Variants in ANO5 observed in about 807,000 individuals in gnomAD.
ANO5 encodes anoctamin-5.
In ANO5, 109 loss-of-function variants were observed where a neutral mutation model predicts 121.0. That is an observed-to-expected ratio of 0.90 (90% confidence interval 0.77 to 1.06). ANO5 has a LOEUF of 1.06. Among genes scored for constraint, ANO5 ranks in the 50% least tolerant of loss-of-function variants. ANO5 has a pLI of 0.00. For synonymous variants in ANO5, 406 were observed against 359.9 expected (o/e 1.13, Z -1.45); for missense variants, 1,064 against 1,078.5 (o/e 0.99, Z 0.19).
rs1247257266 is a variant in ANO5 at position 22,283,231 on chromosome 11, T to C, written c.*3466T>C. 1.3e-5 allele frequency: 2 copies of C among 150,954 alleles called. No individual in the cohort carries two copies. Among genetic ancestry groups the C allele is most frequent in the Non-Finnish European group, 1.5e-5 (1 of 67,142 alleles). 9.4% of individuals were successfully genotyped at this position (150,954 alleles called of 1,614,324 possible). A position where few individuals can be genotyped will look rare whatever the true frequency, so the allele number is the denominator to read the frequency against. ...AGTGCTCCTTTTTAAAATTTCTTTC[T>C]TCCAAGTTTTTTTTTCCAGGAAGAG... On this transcript the variant is annotated 3_prime_UTR_variant, in exon 22 of 22. Coordinates refer to ENST00000324559, the MANE Select transcript of ANO5 (RefSeq NM_213599.3).
intron 9 of ANO5, among the ~76,000 whole-genome samples, chr11:22,240,960 A>C (rs1792156651): frequency 6.6e-6 from 1 of 151,964 alleles, no homozygotes; most frequent in African/African-American, 2.4e-5. Flanking sequence ...CCTTATTATA[A>C]ATTTTTCATA....
At chr11:22,210,876 C>A (rs1357326892) in intron 2 of ANO5, among the ~76,000 whole-genome samples, 2 of 151,916 alleles carry the variant, frequency 1.3e-5, no homozygotes, top group Non-Finnish European at 2.9e-5. Flanking sequence ...TGGTCCTCTT[C>A]AGGATGCAGC....
At position 22,246,856 on chromosome 11, in the gene ANO5, CAAAA is replaced by C. The variant is rs10565920; in HGVS notation, c.879-3361_879-3358del. ...AGCACAACAGAGTGAGACCCTGTTTCAAAAAAAAAAAAAAAAAAAAAAAGCAAAA... is the reference window on the plus strand; with the variant it reads ...AGCACAACAGAGTGAGACCCTGTTTCAAAAAAAAAAAAAAAAAAAGCAAAA... On this transcript the variant is annotated intron_variant, in intron 9 of 21. Transcript: ENST00000324559. 0.026 allele frequency among the ~76,000 whole-genome samples: 1,624 copies of C among 62,210 alleles called. 59 individuals carry two copies. The East Asian group carries it at 0.3, about 12-fold the overall frequency. 40.8% of individuals were successfully genotyped at this position (62,210 alleles called of 152,430 possible).
At position 22,250,480 on chromosome 11, in the gene ANO5, G is replaced by T. The variant is rs547778491; in HGVS notation, c.1013+109G>T. 2.1e-4 allele frequency: 299 copies of T among 1,445,792 alleles called. 1 individual carries two copies. Among genetic ancestry groups the T allele is most frequent in the Admixed American group, 1.6e-3 (84 of 52,454 alleles). The allele number at this position is 1,445,792 out of a possible 1,614,324, so 89.6% of individuals were successfully genotyped here. A position where few individuals can be genotyped will look rare whatever the true frequency, so the allele number is the denominator to read the frequency against. On this transcript the variant is annotated intron_variant, in intron 10 of 21. Transcript: ENST00000324559. The stretch of plus-strand genomic sequence containing the variant: ...TCCTTCAGAATGTTTCCTTATAGCA[G>T]CAGATAATCGATATTTTCCAAAAAC...
rs1855028868 is a variant in ANO5, at chr11:22,280,140, G to C, written c.*375G>C. 1 of 200,070 alleles carries C rather than the reference G, an allele frequency of 5.0e-6. No individual in the cohort carries two copies. Among genetic ancestry groups the C allele is most frequent in the Non-Finnish European group, 1.0e-5 (1 of 98,448 alleles). The allele number at this position is 200,070 out of a possible 1,614,324, so 12.4% of individuals were successfully genotyped here. ...ATTTATTTTTGTGGTCTTCTCTTGG[G>C]TTATTTGATACCTCCTTCCCCATTA... On this transcript the variant is annotated 3_prime_UTR_variant, in exon 22 of 22. Coordinates refer to ENST00000324559, the MANE Select transcript of ANO5 (RefSeq NM_213599.3).
upstream of ANO5, chr11:22,192,982 C>G (rs1055243794): frequency 2.0e-6 from 2 of 985,002 alleles, no homozygotes; most frequent in African/African-American, 1.7e-5. Flanking sequence ...TGGCGGTCTC[C>G]GAGGGTGGGG....
rs568560859 is a variant in ANO5 at position 22,263,219 on chromosome 11, T to A, written c.1898+176T>A. On this transcript the variant is annotated intron_variant, in intron 17 of 21. Transcript: ENST00000324559. ...GCATTAAAGTAATATAAACTCTTAT[T>A]TTTATTTATTTATTTATTTTGGTTC... 2.7e-4 allele frequency among the ~76,000 whole-genome samples: 41 copies of A among 152,192 alleles called. No individual in the cohort carries two copies. In the East Asian group the frequency reaches 7.7e-3, roughly 29 times the overall value.
chr11:22,235,315 G>C (rs1853179039), intron 7 of ANO5, among the ~76,000 whole-genome samples: 1 of 151,836 alleles, frequency 6.6e-6, no homozygotes, highest in Non-Finnish European at 1.5e-5. Flanking sequence ...ATGTAAAACA[G>C]GTCATATTTA....
intron 1 of ANO5, among the ~76,000 whole-genome samples, chr11:22,196,462 C>G (rs779834203): frequency 6.6e-6 from 1 of 151,088 alleles, no homozygotes; most frequent in Non-Finnish European, 1.5e-5. Context: ...ATATTTAAAC[C>G]ATAGCACTAA....
In ANO5 at chr11:22,262,114, T is replaced by C. The variant is rs1854207009; in HGVS notation, c.1631-15T>C. The C allele has an allele frequency of 3.1e-6, 5 of 1,612,840 alleles. No homozygotes were observed. The highest frequency in any genetic ancestry group is 4.2e-6 in the Non-Finnish European group (5 of 1,179,658). On this transcript the variant is annotated splice_polypyrimidine_tract_variant and intron_variant, in intron 15 of 21. Coordinates refer to ENST00000324559, the MANE Select transcript of ANO5 (RefSeq NM_213599.3). ...AATAAGAAGATGCACTAAACATTTT[T>C]TTTTAACTTAACAGAAATTCCTCGA...
At chr11:22,208,370 T>A (rs1852181644) in intron 2 of ANO5, among the ~76,000 whole-genome samples, 1 of 151,950 alleles carries the variant, frequency 6.6e-6, no homozygotes, top group African/African-American at 2.4e-5. Flanking sequence ...AAACTATTAA[T>A]AAACACAACT....
chr11:22,266,651 T>C (rs1311499069), intron 17 of ANO5, among the ~76,000 whole-genome samples: 1 of 152,198 alleles, frequency 6.6e-6, no homozygotes, highest in Non-Finnish European at 1.5e-5. Context: ...AAACTTCTGG[T>C]TACTGGTTTT....
chr11:22,258,078 T>C (rs527249130), intron 14 of ANO5, among the ~76,000 whole-genome samples: 1 of 152,290 alleles, frequency 6.6e-6, no homozygotes, highest in African/African-American at 2.4e-5. Flanking sequence ...TTTGGTTAGT[T>C]TTAGAAAAAT....
rs537770163 is a variant in ANO5 at position 22,211,312 on chromosome 11, A to G, written c.136A>G (p.Met46Val). 4.1e-5 allele frequency: 66 copies of G among 1,611,984 alleles called. No homozygotes were observed. The highest frequency in any genetic ancestry group is 4.9e-5 in the Non-Finnish European group (58 of 1,178,582). ...CAGCTTTCTCATCAATGAAGAAACA[A>G]TGGTAAGCAGCGACCAGTACTATCC... The part of the protein sequence containing the change: ...ETSFLINEET[M>V]PAKRFNLFLR... Residue 46 changes from methionine (M) to valine (V), a missense_variant and splice_region_variant, in exon 3 of 22, where the codon ATG becomes GTG. Coordinates refer to ENST00000324559, the MANE Select transcript of ANO5 (RefSeq NM_213599.3).
At chr11:22,238,059 A>C (rs986572772) in intron 8 of ANO5, among the ~76,000 whole-genome samples, 1 of 152,148 alleles carries the variant, frequency 6.6e-6, no homozygotes, top group Non-Finnish European at 1.5e-5. Context: ...GCTGTTTAAA[A>C]ATATTTACAA....
At chr11:22,242,477 T>C (rs1358037893) in intron 9 of ANO5, among the ~76,000 whole-genome samples, 1 of 152,128 alleles carries the variant, frequency 6.6e-6, no homozygotes, top group Non-Finnish European at 1.5e-5. Flanking sequence ...TGTAAATTGC[T>C]TTGGGCAGTA....
In ANO5 at chr11:22,262,155, G is replaced by A. The variant is rs778295156; in HGVS notation, c.1657G>A (p.Glu553Lys). ...AATTCCTCGAACATACCAGGAGTAT[G>A]AGAGCAGTCTTACCTTGAAAATGTT... ...MEIPRTYQEY[E>K]SSLTLKMFLF... is the part of the protein sequence containing the mutation. The change falls in exon 16 of 22, where the codon GAG (glutamate) becomes AAG (lysine). Residue 553 changes from glutamate (E) to lysine (K), a missense_variant. By Grantham distance (56) the Glu-to-Lys change is moderately conservative (BLOSUM62 1). Coordinates refer to ENST00000324559, the MANE Select transcript of ANO5 (RefSeq NM_213599.3). 2 of 1,613,770 alleles carry A rather than the reference G, an allele frequency of 1.2e-6. No individual in the cohort carries two copies. The highest frequency in any genetic ancestry group is 2.7e-5 in the African/African-American group (2 of 74,900).
At chr11:22,219,504 C>G (rs1693561891) in intron 4 of ANO5, among the ~76,000 whole-genome samples, 2 of 151,924 alleles carry the variant, frequency 1.3e-5, no homozygotes, top group Admixed American at 1.3e-4. Context: ...ACAAAAAACC[C>G]CTCTATCATA....
chr11:22,237,812 A>G (rs903740482), intron 8 of ANO5, among the ~76,000 whole-genome samples: 1 of 152,080 alleles, frequency 6.6e-6, no homozygotes. Context: ...TTGAACACAT[A>G]TATAGTAAAC....
Sources: allele counts gnomAD v4.1 joint callset (sites outside exome capture counted in the v4.1 genomes callset), GRCh38; gene constraint gnomAD v4.1.1; transcripts MANE v1.5; gene names NCBI Gene and HGNC (gene_info 2026-07-23, HGNC 2026-07-21).